The following ANAPC5 variants were observed in gnomAD, a reference collection of about 807,000 sequenced individuals.
The protein encoded by ANAPC5 is anaphase-promoting complex subunit 5.
A neutral mutation model predicts 91.3 loss-of-function variants in ANAPC5; 60 were observed. That is an observed-to-expected ratio of 0.66 (90% CI 0.53 to 0.81). The LOEUF (loss-of-function observed/expected upper bound fraction) is 0.81, where lower values mean the gene tolerates loss of function less well. ANAPC5 is among the 40% of genes least tolerant of loss of function. The pLI is 0.00. For missense variants in ANAPC5, 690 were observed against 931.5 expected (o/e 0.74, Z 3.37); for synonymous variants, 340 against 364.1 (o/e 0.93, Z 0.75).
chr12:121,325,440 G>GT (rs1262268225), intron 11 of ANAPC5, among the ~76,000 whole-genome samples: 1 of 150,906 alleles, frequency 6.6e-6, no homozygotes, highest in Non-Finnish European at 1.5e-5. Flanking sequence ...TCCAGCCTGG[G>GT]TGACAGAGTG....
upstream of ANAPC5, among the ~76,000 whole-genome samples, chr12:121,354,007 G>T (rs1390213586): frequency 7.5e-6 from 1 of 133,078 alleles, no homozygotes; most frequent in Non-Finnish European, 1.6e-5. Flanking sequence ...TTTTTTTCCC[G>T]ATACGGAGTC....
Position 121,309,773 on chromosome 12 carries a change from G to A in ANAPC5, c.1984C>T (p.Arg662Cys), listed in dbSNP as rs778284423. The change falls in exon 16 of 17, where the codon CGT becomes TGT. Residue 662 changes from arginine (R) to cysteine (C), a missense_variant. By Grantham distance (180) the Arg-to-Cys change is radical. This residue lies in a region of ANAPC5 where 317 missense variants were observed against 438.7 expected (regional missense o/e 0.72). Transcript: ENST00000261819. The part of the protein sequence containing the change: ...LADGAILDKG[R>C]AMFLVAKCQV... ...CACTTGGCCACTAAGAACATGGCACGACCTTTGTCCAGGATAGCCCCGTCA... is the reference window on the plus strand; with the variant it reads ...CACTTGGCCACTAAGAACATGGCACAACCTTTGTCCAGGATAGCCCCGTCA... The A allele has an allele frequency of 1.7e-5, 27 of 1,614,022 alleles. No individual in the cohort carries two copies. In the Admixed American group the frequency reaches 2.5e-4, roughly 15 times the overall value.
chr12:121,318,617 G>A lies in ANAPC5; in HGVS notation c.1638-9C>T. On this transcript the variant is annotated splice_polypyrimidine_tract_variant and intron_variant, in intron 13 of 16. Transcript: ENST00000261819. ...GTAATACAACCGCTTTCCTGAAACA[G>A]AATCAAAATGAACACAAGTGTTTTA... 1 of 1,604,724 alleles carries A rather than the reference G, an allele frequency of 6.2e-7. No homozygotes were observed. The highest frequency in any genetic ancestry group is 1.7e-4 in the Middle Eastern group (1 of 6,024).
At chr12:121,340,415 T>C (rs1903402417) in intron 5 of ANAPC5, among the ~76,000 whole-genome samples, 1 of 151,942 alleles carries the variant, frequency 6.6e-6, no homozygotes, top group Admixed American at 6.6e-5. Flanking sequence ...CCATCTGTAA[T>C]ATACTGAGGT....
At chr12:121,327,038 A>G in intron 11 of ANAPC5, 58 bp downstream of exon 11, 1 of 1,528,820 alleles carries the variant, frequency 6.5e-7, no homozygotes, top group Non-Finnish European at 8.7e-7. Context: ...GCATTAGAGG[A>G]AAGAAATGGT....
intron 11 of ANAPC5, among the ~76,000 whole-genome samples, chr12:121,323,162 TC>T (rs1209297099): frequency 6.6e-6 from 1 of 152,338 alleles, no homozygotes; most frequent in East Asian, 1.9e-4. Flanking sequence ...GTGCTTTTCT[TC>T]CTCTAACACT....
intron 15 of ANAPC5, chr12:121,310,352 G>A (rs1415439502): frequency 6.5e-6 from 1 of 153,204 alleles, no homozygotes; most frequent in East Asian, 1.9e-4. Context: ...TTGAGGCCAT[G>A]AGTTCAAGAC....
At chr12:121,315,561 G>C (rs1329834459) in intron 15 of ANAPC5, among the ~76,000 whole-genome samples, 1 of 152,186 alleles carries the variant, frequency 6.6e-6, no homozygotes, top group Non-Finnish European at 1.5e-5. Context: ...AAACAAAGTA[G>C]TACTGGCATA....
At position 121,314,588 on chromosome 12, in the gene ANAPC5, C is replaced by T. The variant is rs528855476; in HGVS notation, c.1893+3689G>A. Among the ~76,000 whole-genome samples the T allele has an allele frequency of 3.3e-5, 5 of 152,006 alleles. No homozygotes were observed. The East Asian group carries it at 5.8e-4, about 18-fold the overall frequency. On this transcript the variant is annotated intron_variant, in intron 15 of 16. Transcript: ENST00000261819. ...TGATATTTGATGATGAAAGACTGAA[C>T]GCTTTCCCCCTACAGGAACAAAATA...
Position 121,342,210 on chromosome 12 carries a change from A to G in ANAPC5, c.591-141T>C, listed in dbSNP as rs1903486883. 3.2e-6 allele frequency: 2 copies of G among 633,638 alleles called. No individual in the cohort carries two copies. The highest frequency in any genetic ancestry group is 5.3e-6 in the Non-Finnish European group (2 of 374,212). The allele number at this position is 633,638 out of a possible 1,614,324, so 39.3% of individuals were successfully genotyped here. On this transcript the variant is annotated intron_variant, in intron 4 of 16. Transcript: ENST00000261819. The surrounding 1 kb of genome is among the most constrained non-coding windows in gnomAD (Gnocchi z 4.1). ...CTCAGAACTAGGAAAGAAAAACATA[A>G]AAAGTGATGTTGAGATCAATGCACA...
chr12:121,351,326 T>C (rs1446457657), intron 1 of ANAPC5: 1 of 298,142 alleles, frequency 3.4e-6, no homozygotes, highest in Non-Finnish European at 6.6e-6. Context: ...TGAGCCGCGA[T>C]CACACTACTG....
chr12:121,320,056 G>A (rs964696955), intron 12 of ANAPC5, among the ~76,000 whole-genome samples: 1 of 152,112 alleles, frequency 6.6e-6, no homozygotes, highest in Non-Finnish European at 1.5e-5. Flanking sequence ...TGCTTTATCT[G>A]CTTCATATAC....
intron 1 of ANAPC5, 61 bp from the exon 2 acceptor site, chr12:121,347,942 G>T: frequency 8.6e-7 from 1 of 1,166,420 alleles, no homozygotes; most frequent in Non-Finnish European, 1.3e-6. Context: ...ATAAAGAATT[G>T]CAAACATAAA....
chr12:121,331,374 G>A lies in ANAPC5; in HGVS notation c.1005C>T (p.Asn335=), dbSNP rs782415180. 12 of 1,608,854 alleles carry A rather than the reference G, an allele frequency of 7.5e-6. No individual in the cohort carries two copies. The highest frequency in any genetic ancestry group is 5.3e-5 in the African/African-American group (4 of 74,862). The change falls in exon 8 of 17, where the codon AAC becomes AAT. Residue 335 remains asparagine, a synonymous_variant. Transcript: ENST00000261819. ...AACAGTGCTGGAGACACACGTGATC[G>A]TTGGACTCCTGGGCAATCCTAATTG... ...QEAIRIAQES[N]DHVCLQHCLS...
chr12:121,338,975 T>C (rs1165119748), intron 5 of ANAPC5, among the ~76,000 whole-genome samples: 6 of 151,956 alleles, frequency 3.9e-5, no homozygotes, highest in African/African-American at 1.4e-4. Flanking sequence ...AAAATCAGAA[T>C]ATGATATGTA....
chr12:121,337,775 C>T (rs924813691), intron 5 of ANAPC5, among the ~76,000 whole-genome samples: 1 of 151,998 alleles, frequency 6.6e-6, no homozygotes, highest in Non-Finnish European at 1.5e-5. Flanking sequence ...TCCCATAAGC[C>T]CTCTGCACTT....
intron 11 of ANAPC5, among the ~76,000 whole-genome samples, chr12:121,322,148 G>A (rs1902641733): frequency 1.3e-5 from 2 of 148,958 alleles, no homozygotes. Flanking sequence ...ACAGGCGTGA[G>A]CCACCGCACC....
intron 6 of ANAPC5, among the ~76,000 whole-genome samples, chr12:121,336,037 T>C (rs1004978544): frequency 5.9e-5 from 9 of 152,194 alleles, no homozygotes; most frequent in African/African-American, 1.7e-4. Flanking sequence ...AGTTCAAATA[T>C]TGAGGAAAAC....
rs1336088153 is a variant in ANAPC5, at chr12:121,337,360, G to C, written c.690C>G (p.Ala230=). 8 of 1,613,604 alleles carry C rather than the reference G, an allele frequency of 5.0e-6. No homozygotes were observed. Among genetic ancestry groups the C allele is most frequent in the Non-Finnish European group, 6.8e-6 (8 of 1,179,788 alleles). ...ASLLKNDETK[A]LTPASLQKEL... is the part of the protein sequence containing the mutation. ...CCTTCTGCAAGGAAGCTGGAGTGAG[G>C]GCCTTAGTCTCATCATTCTTTAGCA... The change falls in exon 6 of 17, where the codon GCC becomes GCG. Residue 230 remains alanine, a synonymous_variant. Transcript: ENST00000261819.
Sources: gnomAD v4.1 joint callset for allele counts (sites outside exome capture counted in the v4.1 genomes callset) on GRCh38, gnomAD v4.1.1 for gene constraint, gnomAD v4.1.1 regional missense constraint, Gnocchi (gnomAD v3.1) non-coding constraint, MANE v1.5 for transcripts, NCBI Gene and HGNC (gene_info 2026-07-23, HGNC 2026-07-21) for gene names.